Variants in CDH23 observed in about 807,000 individuals in gnomAD.
CDH23 encodes the protein cadherin related 23.
A neutral mutation model predicts 317.1 loss-of-function variants in CDH23; 189 were observed. The ratio of observed to expected loss-of-function variants is 0.60; its 90% CI spans 0.53 to 0.67. CDH23 has a LOEUF of 0.67. CDH23 is among the 30% of genes least tolerant of loss of function. CDH23 has a pLI of 0.00. For synonymous variants in CDH23, 1,839 were observed against 1,876.8 expected (o/e 0.98, Z 0.52); for missense variants, 4,401 against 4,592.4 (o/e 0.96, Z 1.20).
chr10:71,624,821 G>C lies in CDH23; in HGVS notation c.1134+7428G>C, dbSNP rs570600626. 5.9e-5 allele frequency among the ~76,000 whole-genome samples: 9 copies of C among 151,910 alleles called. No individual in the cohort carries two copies. In the South Asian group the frequency reaches 1.7e-3, roughly 28 times the overall value. ...AGTCAAGGCTCAGAGGAGTTAAGCG[G>C]CTTGCCTAAGGTCACACAGCTAGTT... On this transcript the variant is annotated intron_variant, in intron 11 of 69. Coordinates refer to ENST00000224721, the MANE Select transcript of CDH23 (RefSeq NM_022124.6).
Position 71,515,843 on chromosome 10 carries a change from C to T in CDH23, c.429+4631C>T, listed in dbSNP as rs918945880. Reference sequence around the variant, plus strand: ...TTTGTCCTTGGTGAAGGCAATTTTACTAAGAGAAAGTCAAATAAGTGAATG... The same window carrying T: ...TTTGTCCTTGGTGAAGGCAATTTTATTAAGAGAAAGTCAAATAAGTGAATG... On this transcript the variant is annotated intron_variant, in intron 6 of 69. Coordinates refer to ENST00000224721, the MANE Select transcript of CDH23 (RefSeq NM_022124.6). 6.6e-5 allele frequency among the ~76,000 whole-genome samples: 10 copies of T among 152,248 alleles called. No homozygotes were observed. In the East Asian group the frequency reaches 9.6e-4, roughly 15 times the overall value.
chr10:71,516,903 C>T (rs150409418), intron 6 of CDH23, among the ~76,000 whole-genome samples: 59 of 152,270 alleles, frequency 3.9e-4, no homozygotes, highest in Non-Finnish European at 5.6e-4. Context: ...GTGCTCAGCC[C>T]GGGTCCCAGG....
At chr10:71,797,819 G>A (rs566761645) in intron 49 of CDH23, among the ~76,000 whole-genome samples, 56 of 152,164 alleles carry the variant, frequency 3.7e-4, no homozygotes, top group African/African-American at 1.2e-3. Flanking sequence ...TGGGCAGAGC[G>A]AGAGTTGAGT....
At position 71,597,308 on chromosome 10, in the gene CDH23, C is replaced by T. The variant is rs139944999; in HGVS notation, c.833-18196C>T. ...CTGGTTTCATGGACCTCACCTGTCA[C>T]AGGCCACAGGGACCCGGATATCATC... On this transcript the variant is annotated intron_variant, in intron 9 of 69. Transcript: ENST00000224721. Among the ~76,000 whole-genome samples, 834 of 152,242 alleles carry T rather than the reference C, an allele frequency of 5.5e-3. 2 individuals carry two copies. The highest frequency in any genetic ancestry group is 9.0e-3 in the Non-Finnish European group (614 of 68,014).
chr10:71,573,068 G>A (rs1307634305), intron 8 of CDH23, among the ~76,000 whole-genome samples: 3 of 152,240 alleles, frequency 2.0e-5, no homozygotes, highest in Non-Finnish European at 2.9e-5. Context: ...GGGGATAATT[G>A]TGCCTGCAGT....
At chr10:71,801,827 T>A (rs1421934004) in intron 53 of CDH23, among the ~76,000 whole-genome samples, 1 of 152,184 alleles carries the variant, frequency 6.6e-6, no homozygotes, top group African/African-American at 2.4e-5. Context: ...CACATGCATG[T>A]GCTGTGTTGG....
intron 7 of CDH23, among the ~76,000 whole-genome samples, chr10:71,568,550 T>G (rs1180021392): frequency 5.9e-5 from 9 of 152,132 alleles, no homozygotes; most frequent in Admixed American, 5.9e-4. Context: ...ACTCTCCCAG[T>G]AATCAGGCTT....
At chr10:71,667,398 G>GTGTGTGTGTGTGTGTA (rs1863959706) in intron 14 of CDH23, among the ~76,000 whole-genome samples, 1 of 59,746 alleles carries the variant, frequency 1.7e-5, no homozygotes, top group Non-Finnish European at 4.7e-5. Context: ...GTGTGTGTGC[G>GTGTGTGTGTGTGTGTA]CGTGTGTGTG....
At chr10:71,809,014 A>G (rs1365660456) in intron 60 of CDH23, among the ~76,000 whole-genome samples, 1 of 151,968 alleles carries the variant, frequency 6.6e-6, no homozygotes, top group Non-Finnish European at 1.5e-5. Context: ...CTCTTATTTT[A>G]ATAAATCAAG....
chr10:71,806,987 C>T (rs1315531882), intron 57 of CDH23, among the ~76,000 whole-genome samples: 1 of 152,190 alleles, frequency 6.6e-6, no homozygotes, highest in African/African-American at 2.4e-5. Flanking sequence ...TGTTCCTTGG[C>T]GACTGCTGAG....
rs556047995 is a variant in CDH23, at chr10:71,746,571, G to C, written c.4845+4650G>C. ...GCCATGGGAAGACAGGCCAGGCTTGGGGGAGGGGTTTAAGTGGTTGTCAGG... is the reference window on the plus strand; with the variant it reads ...GCCATGGGAAGACAGGCCAGGCTTGCGGGAGGGGTTTAAGTGGTTGTCAGG... On this transcript the variant is annotated intron_variant, in intron 38 of 69. Transcript: ENST00000224721. Among the ~76,000 whole-genome samples the C allele has an allele frequency of 1.4e-3, 219 of 152,326 alleles. 6 individuals carry two copies. Among genetic ancestry groups the C allele is most frequent in the Admixed American group, 0.014 (218 of 15,304 alleles).
chr10:71,536,530 G>T (rs1162031675), intron 6 of CDH23, among the ~76,000 whole-genome samples: 2 of 152,350 alleles, frequency 1.3e-5, no homozygotes, highest in Non-Finnish European at 1.5e-5. Context: ...TAGGCTGGGA[G>T]GAGGACGATC....
At chr10:71,698,024 C>G (rs1865457678) in intron 22 of CDH23, among the ~76,000 whole-genome samples, 1 of 152,186 alleles carries the variant, frequency 6.6e-6, no homozygotes, top group Admixed American at 6.5e-5. Flanking sequence ...AAACATCTAT[C>G]AGATGAAAGA....
At chr10:71,713,304 A>C (rs1425637643) in intron 28 of CDH23, 2 of 779,014 alleles carry the variant, frequency 2.6e-6, no homozygotes, top group Admixed American at 3.4e-5. Flanking sequence ...AGAGGGAGAG[A>C]AGGGAGGACC....
intron 3 of CDH23, among the ~76,000 whole-genome samples, chr10:71,463,809 C>A (rs1431081690): frequency 6.6e-6 from 1 of 152,128 alleles, no homozygotes; most frequent in Admixed American, 6.5e-5. Context: ...TCCATCTGGG[C>A]AGTGTCCTGC....
intron 6 of CDH23, among the ~76,000 whole-genome samples, chr10:71,520,822 T>C (rs1268341721): frequency 6.6e-6 from 1 of 152,178 alleles, no homozygotes; most frequent in East Asian, 1.9e-4. Context: ...CCAAACAGCC[T>C]GGGGACAGGC....
At chr10:71,618,808 T>C (rs936282977) in intron 11 of CDH23, among the ~76,000 whole-genome samples, 6 of 152,006 alleles carry the variant, frequency 3.9e-5, no homozygotes, top group Admixed American at 3.3e-4. Flanking sequence ...AGTCCCACCA[T>C]GTGCCTGTGT....
At chr10:71,587,959 A>T (rs1345084620) in intron 9 of CDH23, among the ~76,000 whole-genome samples, 2 of 152,250 alleles carry the variant, frequency 1.3e-5, no homozygotes, top group African/African-American at 4.8e-5. Flanking sequence ...ATATGGTTAC[A>T]AAGATATTAA....
At chr10:71,762,220 C>A (rs1321845664) in intron 38 of CDH23, among the ~76,000 whole-genome samples, 2 of 152,250 alleles carry the variant, frequency 1.3e-5, no homozygotes, top group African/African-American at 4.8e-5. Context: ...GGGGGAGTCA[C>A]AGAAGCTTCC....
Sources: allele counts gnomAD v4.1 joint callset (sites outside exome capture counted in the v4.1 genomes callset), GRCh38; gene constraint gnomAD v4.1.1; transcripts MANE v1.5; gene names NCBI Gene and HGNC (gene_info 2026-07-23, HGNC 2026-07-21).